Variants in DNER observed in about 807,000 individuals in gnomAD.
The protein encoded by DNER is delta and Notch-like epidermal growth factor-related receptor.
A neutral mutation model predicts 78.2 loss-of-function variants in DNER; 33 were observed. The ratio of observed to expected loss-of-function variants is 0.42; its 90% confidence interval spans 0.32 to 0.56. The LOEUF (loss-of-function observed/expected upper bound fraction) is 0.56, where lower values mean the gene tolerates loss of function less well. DNER is among the 20% of genes least tolerant of loss of function. The pLI is 0.11. For missense variants in DNER, 918 were observed against 975.3 expected (o/e 0.94, Z 0.78); for synonymous variants, 417 against 384.8 (o/e 1.08, Z -0.98).
intron 5 of DNER, among the ~76,000 whole-genome samples, chr2:229,522,689 A>G (rs1393075500): frequency 2.0e-5 from 3 of 152,244 alleles, no homozygotes; most frequent in Non-Finnish European, 4.4e-5. Context: ...GTTAAAGAAT[A>G]GAAAACCTGC....
At chr2:229,614,437 T>C (rs1350087427) in intron 1 of DNER, among the ~76,000 whole-genome samples, 3 of 152,234 alleles carry the variant, frequency 2.0e-5, no homozygotes, top group Non-Finnish European at 4.4e-5. Context: ...CCAGCCTTTC[T>C]GAAGTCCTCT....
At chr2:229,588,275 G>A (rs1697536564) in intron 3 of DNER, 119 bp downstream of exon 3, 1 of 841,368 alleles carries the variant, frequency 1.2e-6, no homozygotes, top group Non-Finnish European at 1.9e-6. Flanking sequence ...TCTACCCGTG[G>A]AATCTGTTCA....
chr2:229,596,436 C>T (rs1263173815), intron 1 of DNER, among the ~76,000 whole-genome samples: 1 of 152,238 alleles, frequency 6.6e-6, no homozygotes, highest in Admixed American at 6.5e-5. Context: ...CAACCTGCAG[C>T]CTCAGCCTTG....
intron 10 of DNER, among the ~76,000 whole-genome samples, chr2:229,400,881 A>G (rs894331517): frequency 6.6e-6 from 1 of 152,036 alleles, no homozygotes; most frequent in Non-Finnish European, 1.5e-5. Context: ...AAAGGGAGAG[A>G]AGGAGTAACA....
chr2:229,648,812 A>T (rs529583828), intron 1 of DNER, among the ~76,000 whole-genome samples: 1 of 152,376 alleles, frequency 6.6e-6, no homozygotes, highest in African/African-American at 2.4e-5. Flanking sequence ...ATTCAAATGC[A>T]AAAAGCTAAT....
intron 1 of DNER, among the ~76,000 whole-genome samples, chr2:229,637,431 G>T (rs1698548141): frequency 6.6e-6 from 1 of 152,162 alleles, no homozygotes; most frequent in African/African-American, 2.4e-5. Flanking sequence ...GTGAGCTGTT[G>T]TTAAGAGCAA....
chr2:229,697,327 G>T (rs7568451), intron 1 of DNER, among the ~76,000 whole-genome samples: 62,062 of 151,990 alleles, frequency 0.41, 13,568 homozygotes, highest in East Asian at 0.71. Context: ...GCAGATTGGT[G>T]GTTGCCAGTG....
At chr2:229,558,446 G>A (rs758185376) in intron 4 of DNER, among the ~76,000 whole-genome samples, 2 of 152,224 alleles carry the variant, frequency 1.3e-5, no homozygotes, top group Non-Finnish European at 2.9e-5. Context: ...TATATCTTTT[G>A]TTATAAAAAG....
At chr2:229,459,844 T>C (rs1166883949) in intron 7 of DNER, among the ~76,000 whole-genome samples, 5 of 151,036 alleles carry the variant, frequency 3.3e-5, no homozygotes, top group Non-Finnish European at 5.9e-5. Flanking sequence ...CTGGGCAACA[T>C]AGTAAAACTC....
chr2:229,467,252 TG>T (rs1347697489), intron 7 of DNER, among the ~76,000 whole-genome samples: 2 of 152,110 alleles, frequency 1.3e-5, no homozygotes, highest in African/African-American at 2.4e-5. Flanking sequence ...AGAAGAGCAG[TG>T]GGAAAATGTC....
intron 9 of DNER, among the ~76,000 whole-genome samples, chr2:229,410,498 T>C (rs2106345625): frequency 6.6e-6 from 1 of 152,278 alleles, no homozygotes. Context: ...CACCCTATTT[T>C]GTCAGAGAAA....
chr2:229,445,098 C>A (rs1247975369), intron 8 of DNER, among the ~76,000 whole-genome samples: 1 of 152,208 alleles, frequency 6.6e-6, no homozygotes, highest in Admixed American at 6.5e-5. Flanking sequence ...GAGCTGGGAA[C>A]AGCGTGCTCG....
intron 1 of DNER, among the ~76,000 whole-genome samples, chr2:229,671,220 C>T (rs1429865167): frequency 1.3e-5 from 2 of 152,202 alleles, no homozygotes; most frequent in Admixed American, 6.5e-5. Context: ...GTTGCCCAAA[C>T]AGCCATCACT....
At chr2:229,646,846 A>G (rs1427193408) in intron 1 of DNER, among the ~76,000 whole-genome samples, 2 of 152,246 alleles carry the variant, frequency 1.3e-5, no homozygotes, top group Non-Finnish European at 2.9e-5. Context: ...AATATTTAAT[A>G]TCAAGCAATG....
chr2:229,449,971 G>T lies in DNER; in HGVS notation c.1262-2431C>A, dbSNP rs554281549. 1.1e-4 allele frequency among the ~76,000 whole-genome samples: 17 copies of T among 152,186 alleles called. No individual in the cohort carries two copies. In the South Asian group the frequency reaches 3.3e-3, roughly 30 times the overall value. ...TAATTTTTGTATTTTTAGTTGAGAC[G>T]GGGCTTTACCATGTTGGTCAGGCTG... On this transcript the variant is annotated intron_variant, in intron 7 of 12. Transcript: ENST00000341772.
intron 4 of DNER, among the ~76,000 whole-genome samples, chr2:229,582,726 G>A (rs1175929890): frequency 2.6e-5 from 4 of 151,928 alleles, no homozygotes; most frequent in African/African-American, 4.8e-5. Flanking sequence ...TGCAAGCTCC[G>A]CCTCCCGGGT....
At chr2:229,687,530 C>T (rs1297097654) in intron 1 of DNER, among the ~76,000 whole-genome samples, 1 of 152,098 alleles carries the variant, frequency 6.6e-6, no homozygotes, top group Non-Finnish European at 1.5e-5. Flanking sequence ...TCCCAAAGTG[C>T]TGGGGGATTA....
chr2:229,596,977 G>A (rs556878251), intron 1 of DNER, among the ~76,000 whole-genome samples: 165 of 151,474 alleles, frequency 1.1e-3, no homozygotes, highest in African/African-American at 3.8e-3. Context: ...GCACACACCT[G>A]CGCACACACA....
chr2:229,506,705 T>C (rs1237379460), intron 6 of DNER, among the ~76,000 whole-genome samples: 1 of 138,668 alleles, frequency 7.2e-6, no homozygotes, highest in East Asian at 2.5e-4. Context: ...GTGTGTGATG[T>C]TCCCCTCCTG....
Sources: gnomAD v4.1 joint callset for allele counts (sites outside exome capture counted in the v4.1 genomes callset) on GRCh38, gnomAD v4.1.1 for gene constraint, MANE v1.5 for transcripts, NCBI Gene and HGNC (gene_info 2026-07-23, HGNC 2026-07-21) for gene names.